The following LRMDA variants were observed in gnomAD, a reference collection of about 807,000 sequenced individuals.
The protein encoded by LRMDA is leucine rich melanocyte differentiation associated, also known as leucine-rich melanocyte differentiation-associated protein.
LRMDA carries 18 observed loss-of-function variants against 29.8 expected under a neutral mutation model. The ratio of observed to expected loss-of-function variants is 0.60; its 90% confidence interval spans 0.42 to 0.90. The LOEUF (loss-of-function observed/expected upper bound fraction) is 0.90, where lower values mean the gene tolerates loss of function less well. LRMDA is among the 40% of genes least tolerant of loss of function. The pLI, the probability that LRMDA is intolerant of heterozygous loss-of-function variation, is 0.00. For synonymous variants in LRMDA, 125 were observed against 109.4 expected (o/e 1.14, Z -0.89); for missense variants, 273 against 273.9 (o/e 1.00, Z 0.02).
At chr10:76,459,682 G>A (rs1195614940) in intron 6 of LRMDA, among the ~76,000 whole-genome samples, 1 of 152,170 alleles carries the variant, frequency 6.6e-6, no homozygotes, top group African/African-American at 2.4e-5. Context: ...GAGCATCAGA[G>A]ATGCGTGTTT....
chr10:76,522,511 T>C (rs1178949117), intron 6 of LRMDA, among the ~76,000 whole-genome samples: 2 of 152,212 alleles, frequency 1.3e-5, no homozygotes, highest in Admixed American at 6.5e-5. Context: ...ACTCTGCAAA[T>C]ATGTATTGAG....
At chr10:76,180,578 C>T (rs1370396369) in intron 5 of LRMDA, among the ~76,000 whole-genome samples, 1 of 152,044 alleles carries the variant, frequency 6.6e-6, no homozygotes, top group Non-Finnish European at 1.5e-5. Flanking sequence ...TGCACCTGGC[C>T]TGGAAGGAAC....
intron 6 of LRMDA, among the ~76,000 whole-genome samples, chr10:76,376,003 G>T (rs10762717): frequency 0.89 from 134,910 of 151,872 alleles, 60,662 homozygotes; most frequent in Non-Finnish European, 0.96. Flanking sequence ...TAGTTTTTGG[G>T]TTTTTTTTAA....
intron 2 of LRMDA, among the ~76,000 whole-genome samples, chr10:76,034,901 G>A (rs574422797): frequency 7.9e-5 from 12 of 152,184 alleles, no homozygotes; most frequent in African/African-American, 2.7e-4. Context: ...GCAGGTGAAC[G>A]AGCTGGGAGT....
chr10:75,507,963 A>G (rs1468460040), intron 2 of LRMDA, among the ~76,000 whole-genome samples: 3 of 152,216 alleles, frequency 2.0e-5, no homozygotes, highest in Admixed American at 1.3e-4. Flanking sequence ...ATGTGCTAGT[A>G]TAGTTTTAAT....
intron 6 of LRMDA, among the ~76,000 whole-genome samples, chr10:76,372,354 T>C (rs1478118724): frequency 6.6e-6 from 1 of 152,160 alleles, no homozygotes; most frequent in Non-Finnish European, 1.5e-5. Context: ...GGCTCACACC[T>C]GTAATCCCAG....
intron 6 of LRMDA, among the ~76,000 whole-genome samples, chr10:76,503,654 C>CCTCAGATCAAT (rs1842933015): frequency 1.3e-5 from 2 of 151,358 alleles, no homozygotes; most frequent in Non-Finnish European, 3.0e-5. Context: ...TTTTGTATTT[C>CCTCAGATCAAT]TGTGGTATCA....
Position 76,017,274 on chromosome 10 carries a change from G to T in LRMDA, c.132-18734G>T, listed in dbSNP as rs1847894423. Among the ~76,000 whole-genome samples, 2 of 152,234 alleles carry T rather than the reference G, an allele frequency of 1.3e-5. 1 individual carries two copies. The highest frequency in any genetic ancestry group is 4.1e-4 in the South Asian group (2 of 4,830). ...ACACGAAGGCTGGAGTTAGGCTGGG[G>T]CAGACGCCATGTGAAGGCTGGAGGT... is the stretch of plus-strand genomic sequence containing the variant. On this transcript the variant is annotated intron_variant, in intron 2 of 6. Coordinates refer to ENST00000611255, the MANE Select transcript of LRMDA (RefSeq NM_001305581.2).
At chr10:76,254,758 G>T (rs950327237) in intron 5 of LRMDA, among the ~76,000 whole-genome samples, 3 of 151,882 alleles carry the variant, frequency 2.0e-5, no homozygotes, top group Admixed American at 6.6e-5. Flanking sequence ...TTTCAGCAAG[G>T]TGTTCTCTTC....
intron 2 of LRMDA, among the ~76,000 whole-genome samples, chr10:75,751,781 A>G (rs1842972211): frequency 6.6e-6 from 1 of 151,936 alleles, no homozygotes; most frequent in Non-Finnish European, 1.5e-5. Context: ...CCTCTCATTA[A>G]TGGGTCACAC....
At chr10:75,565,019 C>A (rs1329183942) in intron 2 of LRMDA, among the ~76,000 whole-genome samples, 1 of 152,222 alleles carries the variant, frequency 6.6e-6, no homozygotes, top group Non-Finnish European at 1.5e-5. Context: ...TGGGTCCTCT[C>A]TCTGGCAACC....
chr10:76,071,860 A>G (rs542216572), intron 5 of LRMDA, among the ~76,000 whole-genome samples: 1 of 152,340 alleles, frequency 6.6e-6, no homozygotes, highest in East Asian at 1.9e-4. Context: ...CCATGATTTA[A>G]ACTGCTACTT....
At chr10:75,561,230 C>A (rs1840290119) in intron 2 of LRMDA, among the ~76,000 whole-genome samples, 1 of 151,570 alleles carries the variant, frequency 6.6e-6, no homozygotes, top group African/African-American at 2.4e-5. Context: ...TTGGTCTATT[C>A]AGAGATTCAA....
intron 6 of LRMDA, among the ~76,000 whole-genome samples, chr10:76,477,533 C>T (rs866507931): frequency 9.4e-4 from 143 of 152,106 alleles, no homozygotes; most frequent in Middle Eastern, 3.4e-3. Flanking sequence ...ACTTTCTTCA[C>T]AGAATTGGAA....
intron 5 of LRMDA, among the ~76,000 whole-genome samples, chr10:76,062,192 C>T (rs184636657): frequency 1.3e-5 from 2 of 152,320 alleles, no homozygotes; most frequent in East Asian, 3.9e-4. Context: ...CAAGCTGGCT[C>T]CTGTCCTTTC....
intron 6 of LRMDA, among the ~76,000 whole-genome samples, chr10:76,375,662 T>C (rs1230852491): frequency 1.3e-5 from 2 of 151,332 alleles, no homozygotes; most frequent in Non-Finnish European, 2.9e-5. Context: ...TAGAAATTAA[T>C]CCCTACAAGT....
At chr10:76,496,726 C>A (rs1217579917) in intron 6 of LRMDA, among the ~76,000 whole-genome samples, 1 of 75,366 alleles carries the variant, frequency 1.3e-5, no homozygotes, top group African/African-American at 3.2e-5. Context: ...AATTTCCTGA[C>A]TTACCTGGCT....
chr10:75,582,599 G>A (rs1287456158), intron 2 of LRMDA, among the ~76,000 whole-genome samples: 1 of 152,202 alleles, frequency 6.6e-6, no homozygotes, highest in Non-Finnish European at 1.5e-5. Flanking sequence ...GGAAGGGGCT[G>A]CCACAAAGGC....
intron 5 of LRMDA, among the ~76,000 whole-genome samples, chr10:76,195,359 G>C (rs140835727): frequency 5.9e-5 from 9 of 152,322 alleles, no homozygotes; most frequent in African/African-American, 2.2e-4. Flanking sequence ...AGGGCATTCA[G>C]AAGAGCTGTG....
Sources: gnomAD v4.1 joint callset for allele counts (sites outside exome capture counted in the v4.1 genomes callset) on GRCh38, gnomAD v4.1.1 for gene constraint, MANE v1.5 for transcripts, NCBI Gene and HGNC (gene_info 2026-07-23, HGNC 2026-07-21) for gene names.